The following SGCZ variants were observed in gnomAD, a reference collection of about 807,000 sequenced individuals.
SGCZ encodes the protein sarcoglycan zeta.
SGCZ carries 40 observed loss-of-function variants against 41.3 expected under a neutral mutation model. That is an observed-to-expected ratio of 0.97 (90% confidence interval 0.75 to 1.26). The LOEUF (loss-of-function observed/expected upper bound fraction) is 1.26. Among genes scored for constraint, SGCZ ranks in the 50% most tolerant of loss-of-function variants. SGCZ has a pLI of 0.00. For synonymous variants in SGCZ, 206 were observed against 137.5 expected, an observed-to-expected ratio of 1.50 and a Z score of -3.49; for missense variants, 552 against 369.8, an observed-to-expected ratio of 1.49 and a Z score of -4.04.
At chr8:14,723,730 T>A (rs935047936) in intron 1 of SGCZ, among the ~76,000 whole-genome samples, 4 of 152,072 alleles carry the variant, frequency 2.6e-5, no homozygotes, top group Non-Finnish European at 4.4e-5. Context: ...ATATAGTGCA[T>A]CTATGTGTAT....
intron 2 of SGCZ, among the ~76,000 whole-genome samples, chr8:14,365,880 G>C (rs1412127964): frequency 1.3e-5 from 2 of 151,952 alleles, no homozygotes; most frequent in African/African-American, 4.8e-5. Context: ...TTTGATACCT[G>C]ATACTGCTGT....
At chr8:14,618,642 T>A (rs781643209) in intron 1 of SGCZ, among the ~76,000 whole-genome samples, 52 of 152,160 alleles carry the variant, frequency 3.4e-4, no homozygotes, top group Admixed American at 3.1e-3. Context: ...CAATGAAGGA[T>A]TTTAAAGAGC....
intron 1 of SGCZ, among the ~76,000 whole-genome samples, chr8:14,689,289 G>A (rs1193475014): frequency 2.0e-5 from 3 of 151,856 alleles, no homozygotes; most frequent in African/African-American, 4.8e-5. Context: ...GTGGCAAAAT[G>A]GTAAAATCAC....
At chr8:14,131,955 C>T (rs930904175) in intron 5 of SGCZ, among the ~76,000 whole-genome samples, 3 of 150,264 alleles carry the variant, frequency 2.0e-5, no homozygotes, top group Admixed American at 6.6e-5. Flanking sequence ...TGTGTAAATA[C>T]ACTCTATGAT....
chr8:14,225,593 A>G (rs1044966160), intron 4 of SGCZ, among the ~76,000 whole-genome samples: 1 of 152,080 alleles, frequency 6.6e-6, no homozygotes, highest in African/African-American at 2.4e-5. Flanking sequence ...AAAGACAGAA[A>G]AAGTCAGAGG....
Position 14,761,531 on chromosome 8 carries a change from A to AT in SGCZ, c.40-206606dup, listed in dbSNP as rs1293472620. On this transcript the variant is annotated intron_variant, in intron 1 of 7. Coordinates refer to ENST00000382080, the MANE Select transcript of SGCZ (RefSeq NM_139167.4). ...ATTATTATTATTATTTTATTTATTT[A>AT]TTTATTTATTTTTTTTTTGAGAGGG... 3.4e-3 allele frequency among the ~76,000 whole-genome samples: 472 copies of AT among 139,568 alleles called. 3 individuals carry two copies. The highest frequency in any genetic ancestry group is 4.2e-3 in the Admixed American group (59 of 14,182). 91.6% of individuals were successfully genotyped at this position (139,568 alleles called of 152,430 possible).
intron 1 of SGCZ, among the ~76,000 whole-genome samples, chr8:14,700,657 A>T (rs758255031): frequency 1.7e-4 from 26 of 152,026 alleles, no homozygotes; most frequent in Admixed American, 2.6e-4. Flanking sequence ...CTATATTCAT[A>T]TATTTAATAA....
chr8:14,924,857 T>A lies in SGCZ; in HGVS notation c.39+312728A>T, dbSNP rs999936738. On this transcript the variant is annotated intron_variant, in intron 1 of 7. Transcript: ENST00000382080. ...TGTCTTTATCTAGGAATTTAAGACT[T>A]TTTTTTTTTTTTTTTTTTGAGACAG... is the stretch of plus-strand genomic sequence containing the variant. 1.3e-3 allele frequency among the ~76,000 whole-genome samples: 41 copies of A among 30,928 alleles called. 1 individual carries two copies. Among genetic ancestry groups the A allele is most frequent in the South Asian group, 9.8e-3 (11 of 1,122 alleles). 20.3% of individuals were successfully genotyped at this position (30,928 alleles called of 152,430 possible). A position where few individuals can be genotyped will look rare whatever the true frequency, so the allele number is the denominator to read the frequency against.
chr8:15,012,476 AAT>A (rs199760961), intron 1 of SGCZ, among the ~76,000 whole-genome samples: 64 of 139,930 alleles, frequency 4.6e-4, no homozygotes, highest in African/African-American at 1.2e-3. Flanking sequence ...AATAAATATA[AAT>A]ATATATATAT....
chr8:14,434,976 G>A (rs1051074567), intron 2 of SGCZ, among the ~76,000 whole-genome samples: 3 of 151,946 alleles, frequency 2.0e-5, no homozygotes, highest in Non-Finnish European at 4.4e-5. Flanking sequence ...CTCCAAAATG[G>A]TAAGAAATAA....
chr8:14,097,666 CT>C (rs1366637727), intron 7 of SGCZ, among the ~76,000 whole-genome samples: 2 of 152,136 alleles, frequency 1.3e-5, no homozygotes. Context: ...TCTTGTTGAT[CT>C]GACTAATATT....
At chr8:14,814,579 A>G (rs893933292) in intron 1 of SGCZ, among the ~76,000 whole-genome samples, 13 of 152,198 alleles carry the variant, frequency 8.5e-5, no homozygotes, top group African/African-American at 2.7e-4. Flanking sequence ...CCTTCTATCT[A>G]TCTTGTTATT....
chr8:14,499,739 C>T (rs1195044577), intron 2 of SGCZ, among the ~76,000 whole-genome samples: 3 of 151,916 alleles, frequency 2.0e-5, no homozygotes, highest in Admixed American at 6.6e-5. Context: ...ATTTTCAACA[C>T]CTGTATCTTC....
chr8:14,776,276 G>A (rs73531196), intron 1 of SGCZ, among the ~76,000 whole-genome samples: 1 of 152,028 alleles, frequency 6.6e-6, no homozygotes, highest in Admixed American at 6.6e-5. Flanking sequence ...TGAATCATGG[G>A]GGTGGTTTCC....
intron 2 of SGCZ, among the ~76,000 whole-genome samples, chr8:14,388,096 G>A (rs1045827764): frequency 6.6e-6 from 1 of 151,950 alleles, no homozygotes; most frequent in Admixed American, 6.6e-5. Flanking sequence ...GATGTAAAAT[G>A]GTAAATTTGA....
At chr8:14,453,249 C>G (rs527514258) in intron 2 of SGCZ, among the ~76,000 whole-genome samples, 1 of 152,190 alleles carries the variant, frequency 6.6e-6, no homozygotes, top group South Asian at 2.1e-4. Flanking sequence ...TCATTGTGAG[C>G]AGCCTATGTC....
intron 3 of SGCZ, among the ~76,000 whole-genome samples, chr8:14,250,716 G>C (rs540891179): frequency 7.0e-4 from 106 of 152,226 alleles, no homozygotes; most frequent in African/African-American, 2.5e-3. Flanking sequence ...TGTTATTGGA[G>C]TTGGCCTGAC....
At chr8:14,149,757 C>T (rs1193770182) in intron 5 of SGCZ, among the ~76,000 whole-genome samples, 4 of 151,500 alleles carry the variant, frequency 2.6e-5, no homozygotes, top group Admixed American at 2.0e-4. Flanking sequence ...TGGAGTAATA[C>T]ATCACCTGAC....
intron 3 of SGCZ, among the ~76,000 whole-genome samples, chr8:14,259,388 G>A (rs1334292980): frequency 1.3e-5 from 2 of 151,456 alleles, no homozygotes; most frequent in Non-Finnish European, 2.9e-5. Flanking sequence ...CCTTGCCCAT[G>A]CCTATGTCCT....
Sources: gnomAD v4.1 joint callset for allele counts (sites outside exome capture counted in the v4.1 genomes callset) on GRCh38, gnomAD v4.1.1 for gene constraint, MANE v1.5 for transcripts, NCBI Gene and HGNC (gene_info 2026-07-23, HGNC 2026-07-21) for gene names.